Variants in CEP20 observed in about 807,000 individuals in gnomAD.
CEP20 encodes the protein centrosomal protein 20.
Under a neutral mutation model 20.0 loss-of-function variants are expected in CEP20, and 18 were observed. The observed-to-expected ratio is 0.90, with a 90% CI of 0.62 to 1.34. The LOEUF (loss-of-function observed/expected upper bound fraction) is 1.34, where lower values mean the gene tolerates loss of function less well. Among genes scored for constraint, CEP20 ranks in the 40% most tolerant of loss-of-function variants. CEP20 has a pLI of 0.00. For missense variants in CEP20, 215 were observed against 201.6 expected (o/e 1.07, Z -0.40); for synonymous variants, 77 against 73.7 (o/e 1.04, Z -0.23).
chr16:15,888,565 C>T lies in CEP20; in HGVS notation c.21G>A (p.Leu7=). The change falls in exon 1 of 5, where the codon TTG becomes TTA. Residue 7 remains leucine, a synonymous_variant. Coordinates refer to ENST00000255759, the MANE Select transcript of CEP20 (RefSeq NM_144600.4). ...CTCCCTGCTCGCACTCACCAGCCTT[C>T]AACTCTGCCACAGTCGCCATTTTTC... The part of the protein sequence containing the change: MATVAE[L]KAVLKDTLEK... 1 of 1,614,200 alleles carries T rather than the reference C, an allele frequency of 6.2e-7. No homozygotes were observed. Among genetic ancestry groups the T allele is most frequent in the South Asian group, 1.1e-5 (1 of 91,082 alleles).
At chr16:15,871,520 T>A (rs113092359) in intron 4 of CEP20, among the ~76,000 whole-genome samples, 1 of 152,192 alleles carries the variant, frequency 6.6e-6, no homozygotes, top group African/African-American at 2.4e-5. Flanking sequence ...GGCAGTAATG[T>A]CAGTTCCTTA....
At chr16:15,875,696 C>G (rs758163995) in intron 3 of CEP20, among the ~76,000 whole-genome samples, 1 of 152,188 alleles carries the variant, frequency 6.6e-6, no homozygotes, top group Non-Finnish European at 1.5e-5. Context: ...ATGCAAAATT[C>G]TGAAAACTGG....
intron 3 of CEP20, among the ~76,000 whole-genome samples, chr16:15,878,945 G>A (rs1020583415): frequency 9.2e-5 from 14 of 151,782 alleles, no homozygotes; most frequent in African/African-American, 3.4e-4. Flanking sequence ...GAAAACGTAA[G>A]GCTTCAAAGA....
chr16:15,874,711 C>T (rs751974636), intron 3 of CEP20, among the ~76,000 whole-genome samples: 2 of 152,106 alleles, frequency 1.3e-5, no homozygotes, highest in Non-Finnish European at 2.9e-5. Context: ...TATCTATTTA[C>T]TAGCTGGTAT....
intron 1 of CEP20, among the ~76,000 whole-genome samples, chr16:15,887,401 T>C (rs2045270922): frequency 6.6e-6 from 1 of 152,214 alleles, no homozygotes; most frequent in Non-Finnish European, 1.5e-5. Flanking sequence ...ATTACTAGTT[T>C]AAACCCTGGG....
chr16:15,869,294 CTTACTTCT>C (rs1270616090), intron 4 of CEP20, among the ~76,000 whole-genome samples: 1 of 81,406 alleles, frequency 1.2e-5, no homozygotes, highest in Non-Finnish European at 2.6e-5. Flanking sequence ...ATGCTTTGGA[CTTACTTCT>C]TTCTTTCCTT....
chr16:15,884,948 G>C (rs2045204957), intron 1 of CEP20: 1 of 151,904 alleles, frequency 6.6e-6, no homozygotes, highest in African/African-American at 2.4e-5. Flanking sequence ...AACAACCTCT[G>C]GTCTAGAAAG....
chr16:15,883,958 T>G, intron 2 of CEP20, 50 bp downstream of exon 2: 2 of 1,478,802 alleles, frequency 1.4e-6, no homozygotes, highest in Non-Finnish European at 1.9e-6. Context: ...TTTCTGAGAA[T>G]TGGGGAAAGG....
intron 2 of CEP20, among the ~76,000 whole-genome samples, chr16:15,882,713 CAA>C (rs1362110774): frequency 6.6e-6 from 1 of 151,672 alleles, no homozygotes; most frequent in Non-Finnish European, 1.5e-5. Context: ...AGTAATATTT[CAA>C]AGTTTTATCT....
Position 15,879,868 on chromosome 16 carries a change from GA to G in CEP20, c.246del (p.Pro83ArgfsTer11), listed in dbSNP as rs1567239572. 1.3e-6 allele frequency: 2 copies of G among 1,569,326 alleles called. No homozygotes were observed. Among genetic ancestry groups the G allele is most frequent in the Non-Finnish European group, 1.7e-6 (2 of 1,165,770 alleles). ...VLIAESGQPV[V>X]PLDRQFLIHE... Reference sequence around the variant, plus strand: ...TGGATGAGAAACTGTCTGTCCAACGGAACTACAGGTTGACCAGATTCTGGGA... The same window carrying G: ...TGGATGAGAAACTGTCTGTCCAACGGACTACAGGTTGACCAGATTCTGGGA... On this transcript the variant is annotated frameshift_variant, in exon 3 of 5. Transcript: ENST00000255759. LOFTEE classifies it high-confidence loss of function.
chr16:15,871,664 T>C (rs2044823105), intron 4 of CEP20, among the ~76,000 whole-genome samples: 4 of 152,196 alleles, frequency 2.6e-5, no homozygotes, highest in Non-Finnish European at 4.4e-5. Flanking sequence ...ACTTAACCTC[T>C]TAGTATTGGA....
intron 2 of CEP20, 133 bp from the exon 3 acceptor site, chr16:15,880,021 G>T: frequency 1.7e-6 from 1 of 600,338 alleles, no homozygotes; most frequent in South Asian, 2.0e-5. Context: ...CACCAAGACA[G>T]ATCAAATTGC....
intron 3 of CEP20, among the ~76,000 whole-genome samples, chr16:15,876,496 C>T (rs182932214): frequency 2.4e-4 from 36 of 151,738 alleles, no homozygotes; most frequent in African/African-American, 4.1e-4. Flanking sequence ...AAAGAACTCT[C>T]GCTGTGTGGC....
At position 15,880,668 on chromosome 16, in the gene CEP20, G is replaced by A. The variant is rs867080837; in HGVS notation, c.227-780C>T. Among the ~76,000 whole-genome samples the A allele has an allele frequency of 2.4e-4, 37 of 152,200 alleles. 1 individual carries two copies. The highest frequency in any genetic ancestry group is 7.0e-4 in the African/African-American group (29 of 41,530). On this transcript the variant is annotated intron_variant, in intron 2 of 4. Transcript: ENST00000255759. Reference sequence around the variant, plus strand: ...TCTACAGCAAGGGTCCCCAACCCCCGAGCCACAGATTAGAAACTGGGCCAC... The same window carrying A: ...TCTACAGCAAGGGTCCCCAACCCCCAAGCCACAGATTAGAAACTGGGCCAC...
rs34250443 is a variant in CEP20, at chr16:15,867,973, CAAAAAA to C, written c.449-463_449-458del. On this transcript the variant is annotated intron_variant, in intron 4 of 4. Coordinates refer to ENST00000255759, the MANE Select transcript of CEP20 (RefSeq NM_144600.4). Reference sequence around the variant, plus strand: ...GGGCAACAAGAGTGAAACTCGGTCTCAAAAAAAAAAAAAAAAAAAAGAAAGAAATCA... The same window carrying C: ...GGGCAACAAGAGTGAAACTCGGTCTCAAAAAAAAAAAAAAGAAAGAAATCA... Among the ~76,000 whole-genome samples the C allele has an allele frequency of 2.1e-3, 149 of 69,624 alleles. 1 individual carries two copies. Among genetic ancestry groups the C allele is most frequent in the African/African-American group, 7.1e-3 (139 of 19,712 alleles). The allele number at this position is 69,624 out of a possible 152,430, so 45.7% of individuals were successfully genotyped here. A position where few individuals can be genotyped will look rare whatever the true frequency, so the allele number is the denominator to read the frequency against.
chr16:15,871,590 C>A (rs993416481), intron 4 of CEP20, among the ~76,000 whole-genome samples: 1 of 152,076 alleles, frequency 6.6e-6, no homozygotes. Flanking sequence ...GAAAGGTATA[C>A]GGGAACAGCA....
At chr16:15,873,708 A>T in intron 3 of CEP20, 81 bp from the exon 4 acceptor site, 2 of 1,420,826 alleles carry the variant, frequency 1.4e-6, no homozygotes, top group Non-Finnish European at 1.9e-6. Flanking sequence ...TTTATTCTTT[A>T]AAAGGTAACC....
At chr16:15,878,975 A>G (rs1453646092) in intron 3 of CEP20, among the ~76,000 whole-genome samples, 1 of 151,968 alleles carries the variant, frequency 6.6e-6, no homozygotes, top group Non-Finnish European at 1.5e-5. Flanking sequence ...ATTTAAAAAA[A>G]GGCTGCTTTA....
rs145933346 is a variant in CEP20, at chr16:15,869,041, C to A, written c.449-1525G>T. Among the ~76,000 whole-genome samples the A allele has an allele frequency of 1.1e-3, 158 of 150,102 alleles. 1 individual carries two copies. The highest frequency in any genetic ancestry group is 3.7e-3 in the African/African-American group (150 of 40,834). On this transcript the variant is annotated intron_variant, in intron 4 of 4. Coordinates refer to ENST00000255759, the MANE Select transcript of CEP20 (RefSeq NM_144600.4). Reference sequence around the variant, plus strand: ...CATGATTGTGTCACTGCACTCCAGCCTGGGAGACAGAGTGAGACCCTATCT... The same window carrying A: ...CATGATTGTGTCACTGCACTCCAGCATGGGAGACAGAGTGAGACCCTATCT...
Sources: allele counts gnomAD v4.1 joint callset (sites outside exome capture counted in the v4.1 genomes callset), GRCh38; gene constraint gnomAD v4.1.1; transcripts MANE v1.5; gene names NCBI Gene and HGNC (gene_info 2026-07-23, HGNC 2026-07-21).